The following SERPINB11 variants were observed in gnomAD, a reference collection of about 807,000 sequenced individuals.
The protein encoded by SERPINB11 is serpin family B member 11.
SERPINB11 carries 32 observed loss-of-function variants against 36.7 expected under a neutral mutation model. The observed-to-expected ratio is 0.87, with a 90% CI of 0.66 to 1.17. The LOEUF is 1.17. SERPINB11 is among the 50% of genes most tolerant of loss of function. The pLI is 0.00. For synonymous variants in SERPINB11, 174 were observed against 168.1 expected (o/e 1.04, Z -0.27); for missense variants, 528 against 458.4 (o/e 1.15, Z -1.39).
chr18:63,711,996 TTGCTTTAGGGAA>T (rs1176790461), intron 3 of SERPINB11, among the ~76,000 whole-genome samples: 2 of 152,194 alleles, frequency 1.3e-5, no homozygotes, highest in Non-Finnish European at 2.9e-5. Flanking sequence ...TAGGAACCAT[TTGCTTTAGGGAA>T]TGCTTTAGGG....
chr18:63,717,544 G>A (rs1598966292), intron 5 of SERPINB11, among the ~76,000 whole-genome samples: 1 of 151,988 alleles, frequency 6.6e-6, no homozygotes, highest in Non-Finnish European at 1.5e-5. Context: ...GTAGTGTAAG[G>A]CTTGTTAACT....
chr18:63,708,224 T>G (rs895046438), intron 1 of SERPINB11, among the ~76,000 whole-genome samples: 1 of 152,230 alleles, frequency 6.6e-6, no homozygotes, highest in African/African-American at 2.4e-5. Flanking sequence ...AGTAAGGACT[T>G]TGTCTTCTTC....
At chr18:63,702,411 T>G (rs1235967060), upstream of SERPINB11, 2 of 152,174 alleles carry the variant, frequency 1.3e-5, no homozygotes, top group African/African-American at 2.4e-5. Context: ...ACCAACATGA[T>G]GAAACCCTGT....
chr18:63,713,803 T>C (rs766403365), intron 4 of SERPINB11, among the ~76,000 whole-genome samples: 3 of 152,056 alleles, frequency 2.0e-5, no homozygotes, highest in African/African-American at 4.8e-5. Context: ...AGTAGACAAA[T>C]GTGGATTTGG....
chr18:63,715,263 T>G (rs1003498491), intron 4 of SERPINB11, among the ~76,000 whole-genome samples: 3 of 152,150 alleles, frequency 2.0e-5, no homozygotes, highest in Admixed American at 1.3e-4. Flanking sequence ...TGGGTCCATG[T>G]AGATATCACT....
Position 63,712,564 on chromosome 18 carries a change from G to A in SERPINB11, c.229-1G>A. The A allele has an allele frequency of 6.2e-7, 1 of 1,613,660 alleles. No homozygotes were observed. On this transcript the variant is annotated splice_acceptor_variant, in intron 3 of 7. Transcript: ENST00000544088. LOFTEE classifies it high-confidence loss of function. ...TCATTCTTTGTTTACTGATGCTTCAGTGCAGCCAAGCTGGAAGAATTCATT... is the reference window on the plus strand; with the variant it reads ...TCATTCTTTGTTTACTGATGCTTCAATGCAGCCAAGCTGGAAGAATTCATT...
At chr18:63,706,460 C>A (rs1039666650) in intron 1 of SERPINB11, among the ~76,000 whole-genome samples, 1 of 152,124 alleles carries the variant, frequency 6.6e-6, no homozygotes, top group Non-Finnish European at 1.5e-5. Context: ...TATGTATTGG[C>A]CTTTGTCACA....
rs1598962369 is a variant in SERPINB11, at chr18:63,712,303, T to G, written c.229-262T>G. 2.0e-5 allele frequency among the ~76,000 whole-genome samples: 3 copies of G among 152,226 alleles called. No homozygotes were observed. The South Asian group carries it at 6.2e-4, about 31-fold the overall frequency. On this transcript the variant is annotated intron_variant, in intron 3 of 7. Transcript: ENST00000544088. Reference sequence around the variant, plus strand: ...TCTCTTTATTTATGAAAACTGCCTTTGAATTAAATCATTAGGACCAACAAG... The same window carrying G: ...TCTCTTTATTTATGAAAACTGCCTTGGAATTAAATCATTAGGACCAACAAG...
At chr18:63,702,800 C>T (rs1400575729), upstream of SERPINB11, 1 of 152,138 alleles carries the variant, frequency 6.6e-6, no homozygotes, top group East Asian at 1.9e-4. Flanking sequence ...AATGAGCCAC[C>T]ATGCTGGGCT....
At chr18:63,706,188 G>C (rs1914368074) in intron 1 of SERPINB11, among the ~76,000 whole-genome samples, 1 of 152,102 alleles carries the variant, frequency 6.6e-6, no homozygotes, top group African/African-American at 2.4e-5. Flanking sequence ...GATTATTTTA[G>C]GGCAACTGGT....
chr18:63,720,227 G>A, intron 6 of SERPINB11, 72 bp downstream of exon 6: 4 of 1,314,132 alleles, frequency 3.0e-6, no homozygotes, highest in Non-Finnish European at 4.2e-6. Context: ...AATTTAGAAA[G>A]ATGTAGTGAT....
chr18:63,721,511 C>T (rs4940597), intron 7 of SERPINB11, among the ~76,000 whole-genome samples: 56,362 of 151,898 alleles, frequency 0.37, 11,282 homozygotes, highest in East Asian at 0.61. Context: ...CCAAAGCTGC[C>T]CAGCATAGAG....
At chr18:63,714,064 G>A (rs1914599818) in intron 4 of SERPINB11, among the ~76,000 whole-genome samples, 1 of 152,152 alleles carries the variant, frequency 6.6e-6, no homozygotes, top group South Asian at 2.1e-4. Context: ...ATAATTCAAT[G>A]TAGGTTCTTT....
intron 1 of SERPINB11, among the ~76,000 whole-genome samples, chr18:63,704,813 G>A (rs9960039): frequency 0.37 from 56,454 of 151,918 alleles, 11,341 homozygotes; most frequent in East Asian, 0.61. Flanking sequence ...CCTGTAAGTT[G>A]GCCATTTCCT....
At chr18:63,712,438 A>T (rs1168320854) in intron 3 of SERPINB11, 127 bp from the exon 4 acceptor site, 4 of 922,824 alleles carry the variant, frequency 4.3e-6, no homozygotes, top group Non-Finnish European at 6.5e-6. Context: ...AATGCTTTAA[A>T]CTAATTTCCT....
At chr18:63,716,888 A>G (rs1311053392) in intron 5 of SERPINB11, among the ~76,000 whole-genome samples, 4 of 152,054 alleles carry the variant, frequency 2.6e-5, no homozygotes, top group Non-Finnish European at 5.9e-5. Flanking sequence ...AATAAACTTT[A>G]TGATTTAAAT....
intron 5 of SERPINB11, among the ~76,000 whole-genome samples, chr18:63,717,347 A>G (rs764685439): frequency 4.6e-5 from 7 of 152,064 alleles, no homozygotes; most frequent in Non-Finnish European, 7.4e-5. Flanking sequence ...TTTTTGATAC[A>G]TATCCCTGGT....
Position 63,723,491 on chromosome 18 carries a change from C to A in SERPINB11, c.*92C>A. ...CGGCCAAAAAGCTGTTCACACCTCACACACCTCTGTGCCTCAGTTTGCTCA... is the reference window on the plus strand; with the variant it reads ...CGGCCAAAAAGCTGTTCACACCTCAAACACCTCTGTGCCTCAGTTTGCTCA... On this transcript the variant is annotated 3_prime_UTR_variant, in exon 8 of 8. Coordinates refer to ENST00000544088, the MANE Select transcript of SERPINB11 (RefSeq NM_001370475.1). 2 of 1,215,528 alleles carry A rather than the reference C, an allele frequency of 1.6e-6. No individual in the cohort carries two copies. The highest frequency in any genetic ancestry group is 2.3e-6 in the Non-Finnish European group (2 of 863,600). 75.3% of individuals were successfully genotyped at this position (1,215,528 alleles called of 1,614,324 possible). A position where few individuals can be genotyped will look rare whatever the true frequency, so the allele number is the denominator to read the frequency against.
intron 4 of SERPINB11, among the ~76,000 whole-genome samples, chr18:63,714,169 A>T (rs1914602847): frequency 6.6e-6 from 1 of 152,178 alleles, no homozygotes; most frequent in Non-Finnish European, 1.5e-5. Flanking sequence ...GAGACATCAC[A>T]TGTCGGCAGG....
Sources: allele counts gnomAD v4.1 joint callset (sites outside exome capture counted in the v4.1 genomes callset), GRCh38; gene constraint gnomAD v4.1.1; transcripts MANE v1.5; gene names NCBI Gene and HGNC (gene_info 2026-07-23, HGNC 2026-07-21).